The following FBXW8 variants were observed in gnomAD, a reference collection of about 807,000 sequenced individuals.
FBXW8 encodes F-box/WD repeat-containing protein 8.
In FBXW8, 57 loss-of-function variants were observed where a neutral mutation model predicts 65.3. The observed-to-expected ratio is 0.87, with a 90% CI of 0.71 to 1.09. The LOEUF (loss-of-function observed/expected upper bound fraction) is 1.09. Ranked by LOEUF, FBXW8 falls within the 50% of genes least tolerant of loss-of-function variation. The pLI is 0.00. For missense variants in FBXW8, 777 were observed against 814.8 expected (o/e 0.95, Z 0.57); for synonymous variants, 308 against 330.2 (o/e 0.93, Z 0.73).
intron 1 of FBXW8, among the ~76,000 whole-genome samples, chr12:116,921,591 T>G (rs959033515): frequency 6.6e-6 from 1 of 152,168 alleles, no homozygotes; most frequent in Non-Finnish European, 1.5e-5. Context: ...TCTTATATAC[T>G]TGCTAACAGC....
intron 7 of FBXW8, among the ~76,000 whole-genome samples, chr12:116,991,200 A>G (rs1391951252): frequency 6.6e-6 from 1 of 152,194 alleles, no homozygotes; most frequent in Non-Finnish European, 1.5e-5. Context: ...TGTTGGTAAT[A>G]ACTTTGTGTT....
chr12:116,985,477 T>G (rs754367178), intron 6 of FBXW8, 75 bp downstream of exon 6: 30 of 1,417,288 alleles, frequency 2.1e-5, no homozygotes, highest in Admixed American at 1.9e-4. Context: ...GTACTAATGG[T>G]GTTGGTAACT....
At chr12:117,000,042 C>G (rs1953475725) in intron 7 of FBXW8, among the ~76,000 whole-genome samples, 1 of 141,338 alleles carries the variant, frequency 7.1e-6, no homozygotes, top group African/African-American at 2.6e-5. Context: ...AGCGCAGTGG[C>G]GCGATCTCTG....
intron 7 of FBXW8, among the ~76,000 whole-genome samples, chr12:116,992,535 A>C (rs1953268610): frequency 6.6e-6 from 1 of 151,806 alleles, no homozygotes; most frequent in Non-Finnish European, 1.5e-5. Context: ...TGTACCTGTC[A>C]CCCAAATAGT....
chr12:116,923,959 T>G (rs1252908272), intron 1 of FBXW8, among the ~76,000 whole-genome samples: 1 of 152,156 alleles, frequency 6.6e-6, no homozygotes, highest in Non-Finnish European at 1.5e-5. Flanking sequence ...GTGATCCGCC[T>G]GCCTCGGCCT....
chr12:116,957,841 C>T lies in FBXW8; in HGVS notation c.678-6856C>T, dbSNP rs1387348598. ...TATTTTCTGCTGTGAGGTATACATG[C>T]TCTTCTGGTAAATAAGTCTGAGGTA... On this transcript the variant is annotated intron_variant, in intron 4 of 10. Coordinates refer to ENST00000652555, the MANE Select transcript of FBXW8 (RefSeq NM_153348.3). Among the ~76,000 whole-genome samples, 5 of 152,290 alleles carry T rather than the reference C, an allele frequency of 3.3e-5. No homozygotes were observed. The South Asian group carries it at 1.0e-3, about 32-fold the overall frequency.
intron 7 of FBXW8, among the ~76,000 whole-genome samples, chr12:117,009,817 T>C (rs937900139): frequency 6.6e-6 from 1 of 152,168 alleles, no homozygotes; most frequent in African/African-American, 2.4e-5. Flanking sequence ...TTTTGGTTTA[T>C]AGTTCAGTCC....
chr12:117,014,931 T>G (rs993734568), intron 8 of FBXW8, among the ~76,000 whole-genome samples: 2 of 152,218 alleles, frequency 1.3e-5, no homozygotes, highest in African/African-American at 4.8e-5. Context: ...TCCCTTACAG[T>G]TCTCTGGTCA....
chr12:116,938,156 C>G (rs1382598453), intron 2 of FBXW8, among the ~76,000 whole-genome samples: 1 of 151,906 alleles, frequency 6.6e-6, no homozygotes, highest in Non-Finnish European at 1.5e-5. Context: ...TTTTTTCCTT[C>G]AGAATTAAAA....
intron 8 of FBXW8, among the ~76,000 whole-genome samples, chr12:117,016,428 G>A (rs945056221): frequency 2.6e-5 from 4 of 152,284 alleles, no homozygotes; most frequent in African/African-American, 9.6e-5. Context: ...CTGGAGAGAT[G>A]TCTATCCAAA....
chr12:116,971,812 G>A (rs1169027524), intron 5 of FBXW8, among the ~76,000 whole-genome samples: 3 of 152,070 alleles, frequency 2.0e-5, no homozygotes, highest in Non-Finnish European at 4.4e-5. Flanking sequence ...TTGTGTTTGA[G>A]GCTGTTGGTA....
chr12:116,928,035 G>A lies in FBXW8; in HGVS notation c.331G>A (p.Asp111Asn). ...QLIRDLNEMN[D>N]VPFFDIQLPY... ...TTTTTCCCCTCAGAATGAAATGAATGATGTGCCTTTCTTTGATATCCAACT... is the reference window on the plus strand; with the variant it reads ...TTTTTCCCCTCAGAATGAAATGAATAATGTGCCTTTCTTTGATATCCAACT... Residue 111 changes from aspartate (D) to asparagine (N), a missense_variant, in exon 2 of 11, where the codon GAT (aspartate) becomes AAT (asparagine). Transcript: ENST00000652555. The A allele has an allele frequency of 6.3e-7, 1 of 1,593,790 alleles. No homozygotes were observed. Among genetic ancestry groups the A allele is most frequent in the Non-Finnish European group, 8.6e-7 (1 of 1,168,652 alleles).
intron 7 of FBXW8, among the ~76,000 whole-genome samples, chr12:116,999,525 C>T (rs1953456179): frequency 6.6e-6 from 1 of 152,170 alleles, no homozygotes; most frequent in South Asian, 2.1e-4. Context: ...ATAATCCCTC[C>T]CCGAGCGCAT....
At chr12:117,027,670 C>T (rs927730994) in intron 10 of FBXW8, among the ~76,000 whole-genome samples, 166 bp downstream of exon 10, 1 of 152,070 alleles carries the variant, frequency 6.6e-6, no homozygotes, top group Non-Finnish European at 1.5e-5. Flanking sequence ...CTGTACTGAG[C>T]ACCCAGCATC....
Position 117,024,220 on chromosome 12 carries a change from G to C in FBXW8, c.1441G>C (p.Val481Leu), listed in dbSNP as rs753583688. ...CGCCCATCAGCTCAGGGTCTCTGCT[G>C]TGCAGATGGATGACTGGAAGATCGT... Reference protein sequence around the residue: ...LSAHQLRVSAVQMDDWKIVSG... With the variant: ...LSAHQLRVSALQMDDWKIVSG... Residue 481 changes from valine to leucine, a missense_variant, in exon 9 of 11, where the codon GTG becomes CTG. Physicochemically the swap from Val to Leu is conservative, Grantham distance 32. Transcript: ENST00000652555. 2.5e-6 allele frequency: 4 copies of C among 1,614,200 alleles called. No individual in the cohort carries two copies. In the South Asian group the frequency reaches 3.3e-5, roughly 13 times the overall value.
chr12:116,949,307 A>G (rs535346019), intron 3 of FBXW8: 2 of 329,998 alleles, frequency 6.1e-6, no homozygotes, highest in South Asian at 9.2e-5. Context: ...ATGCCAGCCT[A>G]TTGTGGATGG....
intron 1 of FBXW8, among the ~76,000 whole-genome samples, chr12:116,913,094 A>G (rs559152849): frequency 1.3e-5 from 2 of 152,306 alleles, no homozygotes; most frequent in African/African-American, 4.8e-5. Flanking sequence ...AGGCTTGGTT[A>G]TAATATAGGT....
intron 5 of FBXW8, among the ~76,000 whole-genome samples, chr12:116,981,359 G>C (rs1441231759): frequency 6.6e-6 from 1 of 152,234 alleles, no homozygotes; most frequent in Non-Finnish European, 1.5e-5. Context: ...TGCAGAAGCT[G>C]CAGGACTTTG....
chr12:117,019,910 C>G (rs1033730755), intron 8 of FBXW8, among the ~76,000 whole-genome samples: 1 of 152,190 alleles, frequency 6.6e-6, no homozygotes, highest in African/African-American at 2.4e-5. Flanking sequence ...TTTATTTAAA[C>G]AGGAAGTACG....
Sources: allele counts gnomAD v4.1 joint callset (sites outside exome capture counted in the v4.1 genomes callset), GRCh38; gene constraint gnomAD v4.1.1; transcripts MANE v1.5; gene names NCBI Gene and HGNC (gene_info 2026-07-23, HGNC 2026-07-21).